The following DDHD1 variants were observed in gnomAD, a reference collection of about 807,000 sequenced individuals.
DDHD1 encodes the protein phospholipase DDHD1.
In DDHD1, 49 loss-of-function variants were observed where a neutral mutation model predicts 96.4. The ratio of observed to expected loss-of-function variants is 0.51; its 90% confidence interval spans 0.40 to 0.64. The LOEUF (loss-of-function observed/expected upper bound fraction) is 0.64, where lower values mean the gene tolerates loss of function less well. Among genes scored for constraint, DDHD1 ranks in the 30% least tolerant of loss-of-function variants. DDHD1 has a pLI of 0.00. For synonymous variants in DDHD1, 442 were observed against 446.5 expected, an observed-to-expected ratio of 0.99 and a Z score of 0.13; for missense variants, 1,106 against 1,161.2, an observed-to-expected ratio of 0.95 and a Z score of 0.69.
Position 53,062,924 on chromosome 14 carries a change from A to C in DDHD1, c.1766+19T>G. On this transcript the variant is annotated intron_variant, in intron 7 of 12. Coordinates refer to ENST00000673822, the MANE Select transcript of DDHD1 (RefSeq NM_001160148.2). ...CATAAAGACATTTAAAAATTTTTCA[A>C]AAGATGAGGATATTTTACCGTCGTT... The C allele has an allele frequency of 3.1e-6, 5 of 1,600,356 alleles. No individual in the cohort carries two copies. Among genetic ancestry groups the C allele is most frequent in the Non-Finnish European group, 4.3e-6 (5 of 1,172,774 alleles).
chr14:53,081,961 G>C (rs1445330774), intron 4 of DDHD1, among the ~76,000 whole-genome samples: 1 of 152,112 alleles, frequency 6.6e-6, no homozygotes, highest in African/African-American at 2.4e-5. Flanking sequence ...AGAGGGAAGA[G>C]AGAAGTTGGA....
intron 2 of DDHD1, among the ~76,000 whole-genome samples, chr14:53,100,389 GC>G (rs1347918476): frequency 6.6e-6 from 1 of 152,080 alleles, no homozygotes; most frequent in Non-Finnish European, 1.5e-5. Flanking sequence ...GGGTCCTGGA[GC>G]CCGGGAGTTA....
At chr14:53,097,123 T>G (rs547307090) in intron 2 of DDHD1, among the ~76,000 whole-genome samples, 1 of 152,174 alleles carries the variant, frequency 6.6e-6, no homozygotes, top group South Asian at 2.1e-4. Flanking sequence ...TCTTTATGAT[T>G]AGCTCAAATT....
At chr14:53,101,465 A>G (rs557130841) in intron 2 of DDHD1, among the ~76,000 whole-genome samples, 32 of 152,256 alleles carry the variant, frequency 2.1e-4, no homozygotes, top group Non-Finnish European at 1.2e-4. Flanking sequence ...AGTACATTAT[A>G]AAAACAAATT....
At chr14:53,069,841 A>T (rs1884361729) in intron 6 of DDHD1, among the ~76,000 whole-genome samples, 1 of 152,140 alleles carries the variant, frequency 6.6e-6, no homozygotes, top group African/African-American at 2.4e-5. Context: ...AATCACTGCT[A>T]AAGATTGCTG....
intron 1 of DDHD1, among the ~76,000 whole-genome samples, chr14:53,128,247 T>C (rs542021579): frequency 2.6e-5 from 4 of 152,354 alleles, no homozygotes; most frequent in Admixed American, 1.3e-4. Context: ...AGCATAAGAA[T>C]GGACTAATAT....
intron 1 of DDHD1, among the ~76,000 whole-genome samples, chr14:53,148,426 C>T (rs966329202): frequency 1.3e-5 from 2 of 152,190 alleles, no homozygotes; most frequent in South Asian, 2.1e-4. Flanking sequence ...GATTCTCCTG[C>T]CTCAGCCTCC....
intron 1 of DDHD1, 100 bp downstream of exon 1, chr14:53,152,161 G>T: frequency 1.6e-6 from 2 of 1,241,504 alleles, no homozygotes; most frequent in Non-Finnish European, 2.2e-6. Context: ...CAGGCCTCAC[G>T]CGCCTCCCTC....
At chr14:53,127,855 T>G (rs776942768) in intron 1 of DDHD1, among the ~76,000 whole-genome samples, 1 of 152,196 alleles carries the variant, frequency 6.6e-6, no homozygotes, top group Non-Finnish European at 1.5e-5. Context: ...AGTTGTATAG[T>G]TGTATGAACC....
At chr14:53,149,648 T>A (rs1891215518) in intron 1 of DDHD1, 2 of 152,342 alleles carry the variant, frequency 1.3e-5, no homozygotes, top group South Asian at 4.1e-4. Context: ...CAGGATTGTA[T>A]CTTGTAGAGA....
At chr14:53,134,531 A>G (rs1053228139) in intron 1 of DDHD1, among the ~76,000 whole-genome samples, 1 of 151,788 alleles carries the variant, frequency 6.6e-6, no homozygotes, top group Non-Finnish European at 1.5e-5. Context: ...CTTCCTTAAC[A>G]AACAGTTACT....
At chr14:53,111,603 GGT>G (rs1344931452) in intron 1 of DDHD1, among the ~76,000 whole-genome samples, 1 of 151,894 alleles carries the variant, frequency 6.6e-6, no homozygotes, top group Non-Finnish European at 1.5e-5. Context: ...TAGGTATCTT[GGT>G]GTTTTGGTAA....
At chr14:53,081,247 C>A (rs372224843) in intron 4 of DDHD1, among the ~76,000 whole-genome samples, 2 of 152,162 alleles carry the variant, frequency 1.3e-5, no homozygotes, top group Non-Finnish European at 2.9e-5. Flanking sequence ...GATAAGTAAT[C>A]GCATAAACAT....
intron 1 of DDHD1, among the ~76,000 whole-genome samples, chr14:53,112,950 C>T (rs927722194): frequency 9.2e-5 from 14 of 151,954 alleles, no homozygotes; most frequent in Admixed American, 5.2e-4. Context: ...ATAATTTAAA[C>T]GTGACTTTCA....
Position 53,054,735 on chromosome 14 carries a change from G to C in DDHD1, c.2246-106C>G, listed in dbSNP as rs932746179. The C allele has an allele frequency of 2.4e-5, 26 of 1,077,466 alleles. No individual in the cohort carries two copies. The African/African-American group carries it at 3.0e-4, about 12-fold the overall frequency. The allele number at this position is 1,077,466 out of a possible 1,614,324, so 66.7% of individuals were successfully genotyped here. Reference sequence around the variant, plus strand: ...CAACTGGCAGAGGGACCAAACCCTAGTCATGTTTTTCCAGGGTGGGAACAT... The same window carrying C: ...CAACTGGCAGAGGGACCAAACCCTACTCATGTTTTTCCAGGGTGGGAACAT... On this transcript the variant is annotated intron_variant, in intron 10 of 12. Coordinates refer to ENST00000673822, the MANE Select transcript of DDHD1 (RefSeq NM_001160148.2).
rs1158331599 is a variant in DDHD1, at chr14:53,125,733, G to A, written c.839-21877C>T. Among the ~76,000 whole-genome samples the A allele has an allele frequency of 7.7e-5, 11 of 141,956 alleles. No homozygotes were observed. In the South Asian group the frequency reaches 1.1e-3, roughly 14 times the overall value. The allele number at this position is 141,956 out of a possible 152,430, so 93.1% of individuals were successfully genotyped here. On this transcript the variant is annotated intron_variant, in intron 1 of 12. Transcript: ENST00000673822. ...TTTTTTTTTTTTGAGATGGAATCTC[G>A]CCCTGTCACCCAGGCTGGAGGGCCA...
intron 4 of DDHD1, among the ~76,000 whole-genome samples, chr14:53,085,113 G>A (rs951261237): frequency 4.6e-5 from 7 of 152,310 alleles, no homozygotes; most frequent in South Asian, 4.1e-4. Flanking sequence ...TAAATAAAGT[G>A]GCTGGGAAGC....
chr14:53,096,679 C>T (rs1416361234), intron 2 of DDHD1, among the ~76,000 whole-genome samples: 1 of 151,862 alleles, frequency 6.6e-6, no homozygotes, highest in Non-Finnish European at 1.5e-5. Context: ...CCACAGCATA[C>T]ATTCTACTAG....
At chr14:53,148,753 A>T (rs1891163783) in intron 1 of DDHD1, among the ~76,000 whole-genome samples, 1 of 152,200 alleles carries the variant, frequency 6.6e-6, no homozygotes, top group East Asian at 1.9e-4. Flanking sequence ...TGAGGTACTG[A>T]GTAATAACAA....
Sources: allele counts gnomAD v4.1 joint callset (sites outside exome capture counted in the v4.1 genomes callset), GRCh38; gene constraint gnomAD v4.1.1; transcripts MANE v1.5; gene names NCBI Gene and HGNC (gene_info 2026-07-23, HGNC 2026-07-21).